HPR: variants seen among roughly 807,000 people sequenced by gnomAD.
HPR encodes Haptoglobin-related locus.
HPR carries 17 observed loss-of-function variants against 18.5 expected under a neutral mutation model. The observed-to-expected ratio is 0.92, with a 90% CI of 0.63 to 1.38. The LOEUF (loss-of-function observed/expected upper bound fraction) is 1.38, where lower values mean the gene tolerates loss of function less well. Ranked by LOEUF, HPR falls within the 40% of genes most tolerant of loss-of-function variation. The pLI is 0.00. For missense variants in HPR, 457 were observed against 432.4 expected (o/e 1.06, Z -0.51); for synonymous variants, 176 against 165.0 (o/e 1.07, Z -0.51).
chr16:72,063,896 C>T (rs1341989865), intron 1 of HPR, among the ~76,000 whole-genome samples: 1 of 152,126 alleles, frequency 6.6e-6, no homozygotes, highest in African/African-American at 2.4e-5. Context: ...GCGTGTGCCA[C>T]CACGCCCAGC....
rs550280292 is a variant in HPR, at chr16:72,075,457, G to A, written c.268+238G>A. ...ACTGGCTGAATCCACTGTCGGCATT[G>A]CCCACAGATCAGGAGAGCCTGTGCA... On this transcript the variant is annotated intron_variant, in intron 4 of 4. Transcript: ENST00000540303. Among the ~76,000 whole-genome samples, 51 of 152,328 alleles carry A rather than the reference G, an allele frequency of 3.3e-4. No homozygotes were observed. The Middle Eastern group carries it at 0.01, about 30-fold the overall frequency.
At chr16:72,063,498 C>T (rs1007656434) in intron 1 of HPR, among the ~76,000 whole-genome samples, 18 of 152,110 alleles carry the variant, frequency 1.2e-4, no homozygotes, top group Non-Finnish European at 1.9e-4. Context: ...CTTGAGGTTA[C>T]GTTTTTGTCT....
chr16:72,074,272 C>G lies in HPR; in HGVS notation c.92-12C>G, dbSNP rs2041692051. On this transcript the variant is annotated splice_polypyrimidine_tract_variant and intron_variant, in intron 2 of 4. Coordinates refer to ENST00000540303, the MANE Select transcript of HPR (RefSeq NM_020995.4). ...CCAAATGGTAAACTCTCTGGCTTCT[C>G]TCTCTTTGCAGATGACCGCTTCCCG... The G allele has an allele frequency of 6.2e-7, 1 of 1,610,490 alleles. No homozygotes were observed. Among genetic ancestry groups the G allele is most frequent in the Non-Finnish European group, 8.5e-7 (1 of 1,176,852 alleles).
chr16:72,075,833 C>CT (rs34334289), intron 4 of HPR, among the ~76,000 whole-genome samples: 10,288 of 142,402 alleles, frequency 0.072, 476 homozygotes, highest in Middle Eastern at 0.12. Flanking sequence ...TTCTTTCTTT[C>CT]TTTTTTTTTT....
Position 72,068,327 on chromosome 16 carries a change from C to T in HPR, c.5+5067C>T, listed in dbSNP as rs559048628. ...AGCGAAGGATAGGGCCTGAATGGGT[C>T]GAAGGAATCGTGTCCTTACCCTTGC... On this transcript the variant is annotated intron_variant, in intron 1 of 4. Coordinates refer to ENST00000540303, the MANE Select transcript of HPR (RefSeq NM_020995.4). Among the ~76,000 whole-genome samples, 38 of 152,142 alleles carry T rather than the reference C, an allele frequency of 2.5e-4. 2 individuals carry two copies. The South Asian group carries it at 6.9e-3, about 27-fold the overall frequency.
chr16:72,069,991 CA>C (rs1275340437), intron 1 of HPR, among the ~76,000 whole-genome samples: 1 of 152,170 alleles, frequency 6.6e-6, no homozygotes, highest in African/African-American at 2.4e-5. Context: ...CATTTCACTG[CA>C]TATGTCATTA....
intron 1 of HPR, among the ~76,000 whole-genome samples, chr16:72,071,472 T>C (rs72787060): frequency 0.11 from 15,986 of 151,954 alleles, 1,157 homozygotes; most frequent in South Asian, 0.16. Flanking sequence ...TGACAAATCA[T>C]GTCAAGCTCT....
rs756794774 is a variant in HPR at position 72,074,276 on chromosome 16, C to T, written c.92-8C>T. ...ATGGTAAACTCTCTGGCTTCTCTCT[C>T]TTTGCAGATGACCGCTTCCCGAAGC... On this transcript the variant is annotated splice_region_variant and splice_polypyrimidine_tract_variant and intron_variant, in intron 2 of 4. Transcript: ENST00000540303. The T allele has an allele frequency of 1.2e-6, 2 of 1,611,736 alleles. No individual in the cohort carries two copies. Among genetic ancestry groups the T allele is most frequent in the East Asian group, 2.2e-5 (1 of 44,772 alleles).
chr16:72,063,371 A>T lies in HPR; in HGVS notation c.5+111A>T, dbSNP rs1280085161. On this transcript the variant is annotated intron_variant, in intron 1 of 4. Coordinates refer to ENST00000540303, the MANE Select transcript of HPR (RefSeq NM_020995.4). ...AACAAAGAAACAGGGCAAATGGGCT[A>T]AATTATAGTGAACCAAAGGGCTTAG... 47 of 1,300,980 alleles carry T rather than the reference A, an allele frequency of 3.6e-5. 8 individuals are homozygous for T. The Middle Eastern group carries it at 6.4e-4, about 18-fold the overall frequency. 80.6% of individuals were successfully genotyped at this position (1,300,980 alleles called of 1,614,324 possible). A position where few individuals can be genotyped will look rare whatever the true frequency, so the allele number is the denominator to read the frequency against.
intron 1 of HPR, among the ~76,000 whole-genome samples, chr16:72,063,928 C>T (rs3794695): frequency 0.18 from 26,706 of 151,156 alleles, 2,888 homozygotes; most frequent in South Asian, 0.4. Flanking sequence ...TTTTTAGTAG[C>T]GATGTGGTTC....
chr16:72,064,264 A>G (rs2041574196), intron 1 of HPR, among the ~76,000 whole-genome samples: 1 of 152,204 alleles, frequency 6.6e-6, no homozygotes, highest in Non-Finnish European at 1.5e-5. Flanking sequence ...AGTGTTTAAA[A>G]TTATTGTTAA....
At chr16:72,063,659 C>T (rs909719764) in intron 1 of HPR, among the ~76,000 whole-genome samples, 10 of 152,124 alleles carry the variant, frequency 6.6e-5, no homozygotes, top group Admixed American at 5.9e-4. Flanking sequence ...ACTTGGGATA[C>T]ACACTAGTAC....
At chr16:72,065,976 C>G (rs1197033086) in intron 1 of HPR, among the ~76,000 whole-genome samples, 1 of 152,200 alleles carries the variant, frequency 6.6e-6, no homozygotes, top group Non-Finnish European at 1.5e-5. Flanking sequence ...TGATGTTCCT[C>G]CCGCTTACAA....
At chr16:72,066,419 C>T (rs1262696692) in intron 1 of HPR, among the ~76,000 whole-genome samples, 1 of 152,188 alleles carries the variant, frequency 6.6e-6, no homozygotes, top group Non-Finnish European at 1.5e-5. Flanking sequence ...CTGGTCAAAA[C>T]GTTCCTACTG....
At chr16:72,072,896 T>A (rs188901092) in intron 1 of HPR, among the ~76,000 whole-genome samples, 1 of 152,322 alleles carries the variant, frequency 6.6e-6, no homozygotes, top group Admixed American at 6.5e-5. Flanking sequence ...CTTCAAAGGT[T>A]CAGCTTGCTT....
intron 1 of HPR, among the ~76,000 whole-genome samples, chr16:72,070,409 C>T (rs1488662963): frequency 6.6e-6 from 1 of 152,166 alleles, no homozygotes; most frequent in Non-Finnish European, 1.5e-5. Context: ...ACCATGTCCT[C>T]ATAAAAGGGT....
At chr16:72,070,956 C>A (rs1484276519) in intron 1 of HPR, among the ~76,000 whole-genome samples, 6 of 152,180 alleles carry the variant, frequency 3.9e-5, no homozygotes, top group African/African-American at 9.6e-5. Flanking sequence ...CCCCACCAAA[C>A]TGTAAGCCAC....
intron 1 of HPR, among the ~76,000 whole-genome samples, chr16:72,066,491 G>T (rs1175223802): frequency 6.6e-6 from 1 of 152,130 alleles, no homozygotes; most frequent in Non-Finnish European, 1.5e-5. Context: ...GCAGCCCACT[G>T]AGAAAACATG....
chr16:72,065,251 A>G (rs2041585590), intron 1 of HPR, among the ~76,000 whole-genome samples: 2 of 152,126 alleles, frequency 1.3e-5, no homozygotes, highest in Admixed American at 1.3e-4. Context: ...GCAAAAGGAG[A>G]AGAGTGTGAA....
Sources: allele counts gnomAD v4.1 joint callset (sites outside exome capture counted in the v4.1 genomes callset), GRCh38; gene constraint gnomAD v4.1.1; transcripts MANE v1.5; gene names NCBI Gene and HGNC (gene_info 2026-07-23, HGNC 2026-07-21).